Variants in RMST observed in about 807,000 individuals in gnomAD.
RMST encodes the protein rhabdomyosarcoma 2 associated transcript.
intron 11 of RMST, among the ~76,000 whole-genome samples, chr12:97,553,192 T>A (rs1427893167): frequency 2.6e-5 from 4 of 152,348 alleles, no homozygotes; most frequent in East Asian, 1.9e-4. Context: ...ATCTTTTTTT[T>A]ATTTTTATTC....
intron 11 of RMST, among the ~76,000 whole-genome samples, chr12:97,535,766 G>A (rs953998146): frequency 1.8e-4 from 28 of 151,680 alleles, no homozygotes; most frequent in South Asian, 4.2e-4. Context: ...CAGGAACTAC[G>A]ATGAGGTAAT....
chr12:97,479,595 C>A (rs1204970335), intron 5 of RMST, among the ~76,000 whole-genome samples: 1 of 151,998 alleles, frequency 6.6e-6, no homozygotes, highest in Non-Finnish European at 1.5e-5. Flanking sequence ...ATTGATAGCT[C>A]CCTCCCTCTG....
At chr12:97,506,479 T>G (rs1878675491) in intron 10 of RMST, among the ~76,000 whole-genome samples, 1 of 152,236 alleles carries the variant, frequency 6.6e-6, no homozygotes, top group South Asian at 2.1e-4. Context: ...AAGATAGAGA[T>G]GAATGAGATA....
At chr12:97,523,848 C>T (rs1354764207) in intron 10 of RMST, among the ~76,000 whole-genome samples, 4 of 151,860 alleles carry the variant, frequency 2.6e-5, no homozygotes, top group African/African-American at 7.3e-5. Flanking sequence ...GAGGTCGAGG[C>T]GGGCGGATCA....
At chr12:97,551,372 G>A (rs944825047) in intron 11 of RMST, among the ~76,000 whole-genome samples, 3 of 152,072 alleles carry the variant, frequency 2.0e-5, no homozygotes, top group Non-Finnish European at 2.9e-5. Flanking sequence ...AGAAGCAAAA[G>A]GGAAATACTT....
At chr12:97,503,817 C>T (rs1384819708) in intron 10 of RMST, among the ~76,000 whole-genome samples, 2 of 152,198 alleles carry the variant, frequency 1.3e-5, no homozygotes, top group African/African-American at 4.8e-5. Context: ...TAGAATATTG[C>T]AGTTCAGACA....
intron 5 of RMST, among the ~76,000 whole-genome samples, chr12:97,478,799 T>C (rs1874859305): frequency 1.3e-5 from 2 of 152,194 alleles, no homozygotes; most frequent in South Asian, 2.1e-4. Context: ...CCTTAGGAGA[T>C]TTAACAAGAA....
chr12:97,493,254 C>T (rs1877044984), exon 7 of RMST: 1 of 152,510 alleles, frequency 6.6e-6, no homozygotes, highest in African/African-American at 2.4e-5. Context: ...CCCATAGAAC[C>T]ACGGAGACTT....
At chr12:97,555,507 C>T (rs1883640202) in intron 11 of RMST, among the ~76,000 whole-genome samples, 1 of 152,188 alleles carries the variant, frequency 6.6e-6, no homozygotes, top group Non-Finnish European at 1.5e-5. Context: ...AGTAATCTCA[C>T]TAGAATTATA....
chr12:97,550,421 A>C (rs1883229484), intron 11 of RMST, among the ~76,000 whole-genome samples: 1 of 152,126 alleles, frequency 6.6e-6, no homozygotes. Flanking sequence ...ATGAATAATA[A>C]AAATATTAAA....
chr12:97,476,580 C>G (rs1159051419), intron 5 of RMST, among the ~76,000 whole-genome samples: 1 of 152,198 alleles, frequency 6.6e-6, no homozygotes, highest in Non-Finnish European at 1.5e-5. Flanking sequence ...TTAGTGCTAT[C>G]AAGGCCCACT....
chr12:97,543,547 G>A (rs1346911207), intron 11 of RMST, among the ~76,000 whole-genome samples: 1 of 151,898 alleles, frequency 6.6e-6, no homozygotes, highest in Non-Finnish European at 1.5e-5. Context: ...CCTTCCCTTT[G>A]TGCTGAAGCT....
At chr12:97,502,259 T>G (rs746740698) in intron 10 of RMST, among the ~76,000 whole-genome samples, 4 of 152,174 alleles carry the variant, frequency 2.6e-5, no homozygotes, top group Non-Finnish European at 5.9e-5. Flanking sequence ...TTTGTCTTGG[T>G]GTAAAATCTA....
At chr12:97,476,019 T>C (rs1455146436) in intron 5 of RMST, among the ~76,000 whole-genome samples, 2 of 152,176 alleles carry the variant, frequency 1.3e-5, no homozygotes, top group Non-Finnish European at 2.9e-5. Context: ...CTTTATGCTT[T>C]TCTTTTTGAA....
At chr12:97,491,892 G>T in intron 5 of RMST, 1 of 527,214 alleles carries the variant, frequency 1.9e-6, no homozygotes, top group Non-Finnish European at 3.9e-6. Flanking sequence ...CCACCCGAGC[G>T]TCCATGGGTC....
intron 10 of RMST, among the ~76,000 whole-genome samples, chr12:97,516,374 A>G (rs1879931824): frequency 6.6e-6 from 1 of 152,146 alleles, no homozygotes; most frequent in South Asian, 2.1e-4. Context: ...CCTGCAGTAC[A>G]TAACTTATTC....
At chr12:97,543,105 C>G (rs1408332801) in intron 11 of RMST, among the ~76,000 whole-genome samples, 1 of 152,022 alleles carries the variant, frequency 6.6e-6, no homozygotes, top group East Asian at 1.9e-4. Context: ...ATTACATACA[C>G]ATTACATTTT....
chr12:97,561,963 G>A (rs1397144699), intron 13 of RMST, among the ~76,000 whole-genome samples: 1 of 151,940 alleles, frequency 6.6e-6, no homozygotes, highest in Non-Finnish European at 1.5e-5. Context: ...GGAAGCAAGG[G>A]ATCCTTTTGA....
intron 5 of RMST, among the ~76,000 whole-genome samples, chr12:97,485,189 A>G (rs1565919949): frequency 6.6e-6 from 1 of 152,204 alleles, no homozygotes; most frequent in Non-Finnish European, 1.5e-5. Context: ...CCAAAGATTT[A>G]TTCTCAGTTA....
Sources: allele counts gnomAD v4.1 joint callset (sites outside exome capture counted in the v4.1 genomes callset), GRCh38; gene constraint gnomAD v4.1.1; transcripts MANE v1.5; gene names NCBI Gene and HGNC (gene_info 2026-07-23, HGNC 2026-07-21).